Variants in NFYC observed in about 807,000 individuals in gnomAD.
The protein encoded by NFYC is CAAT box DNA-binding protein subunit C.
A neutral mutation model predicts 53.1 loss-of-function variants in NFYC; 25 were observed. The ratio of observed to expected loss-of-function variants is 0.47; its 90% CI spans 0.34 to 0.66. NFYC has a LOEUF of 0.66. NFYC is among the 30% of genes least tolerant of loss of function. The pLI, the probability that NFYC is intolerant of heterozygous loss-of-function variation, is 0.01. For missense variants in NFYC, 260 were observed against 422.7 expected (o/e 0.62, Z 3.38); for synonymous variants, 145 against 152.6 (o/e 0.95, Z 0.37).
At chr1:40,754,554 G>A (rs951828510) in intron 5 of NFYC, 19 of 398,666 alleles carry the variant, frequency 4.8e-5, no homozygotes, top group African/African-American at 3.8e-4. Context: ...GTCACAACAA[G>A]AACTCAGGCC....
chr1:40,753,075 T>C (rs1237846669), intron 4 of NFYC, 76 bp from the exon 5 acceptor site: 7 of 1,080,034 alleles, frequency 6.5e-6, no homozygotes, highest in Non-Finnish European at 9.8e-6. Flanking sequence ...TCGTCTTACC[T>C]TACTTGGAGG....
chr1:40,771,132 T>A lies in NFYC; in HGVS notation c.*304T>A. 2 of 433,440 alleles carry A rather than the reference T, an allele frequency of 4.6e-6. No individual in the cohort carries two copies. The highest frequency in any genetic ancestry group is 8.3e-6 in the Non-Finnish European group (2 of 241,860). 26.8% of individuals were successfully genotyped at this position (433,440 alleles called of 1,614,324 possible). ...ATATTTATGGCATTTTCTTGAAGAG[T>A]GTGGTTGAAGAAATATTTCTCCTTT... On this transcript the variant is annotated 3_prime_UTR_variant, in exon 10 of 10. Transcript: ENST00000447388.
rs543584879 is a variant in NFYC, at chr1:40,711,494, A to G, written c.-9+19627A>G. 1.8e-4 allele frequency among the ~76,000 whole-genome samples: 28 copies of G among 152,290 alleles called. No individual in the cohort carries two copies. The East Asian group carries it at 4.8e-3, about 26-fold the overall frequency. ...AAAAGTGAAGGTGTGGTACAGTATG[A>G]AGTAAACTATAAACTTGAGAACTTT... is the stretch of plus-strand genomic sequence containing the variant. On this transcript the variant is annotated intron_variant, in intron 1 of 9. Coordinates refer to ENST00000447388, the MANE Select transcript of NFYC (RefSeq NM_014223.5).
chr1:40,725,257 C>G (rs1438921902), intron 1 of NFYC, among the ~76,000 whole-genome samples: 2 of 152,168 alleles, frequency 1.3e-5, no homozygotes, highest in Non-Finnish European at 2.9e-5. Context: ...TGTATTCATT[C>G]ATTTATTGCA....
rs570171418 is a variant in NFYC at position 40,746,701 on chromosome 1, A to G, written c.106-833A>G. On this transcript the variant is annotated intron_variant, in intron 2 of 9. Transcript: ENST00000447388. ...AAATTGATTTTTTTCCTAGAATTGC[A>G]TCCATCATTGGGCATGTGTTTAAAT... Among the ~76,000 whole-genome samples the G allele has an allele frequency of 1.4e-3, 217 of 152,318 alleles. 1 individual carries two copies. Among genetic ancestry groups the G allele is most frequent in the African/African-American group, 5.1e-3 (213 of 41,562 alleles).
intron 1 of NFYC, among the ~76,000 whole-genome samples, chr1:40,721,084 C>G (rs1021585342): frequency 6.6e-6 from 1 of 152,010 alleles, no homozygotes; most frequent in Non-Finnish European, 1.5e-5. Context: ...ACATGTTACA[C>G]AAGTCTGAAG....
chr1:40,753,905 C>T (rs1014246487), intron 5 of NFYC, among the ~76,000 whole-genome samples: 1 of 152,198 alleles, frequency 6.6e-6, no homozygotes, highest in Non-Finnish European at 1.5e-5. Flanking sequence ...CTTCCCGTCT[C>T]TTCTGCCTGC....
chr1:40,710,743 T>C (rs1191710375), intron 1 of NFYC, among the ~76,000 whole-genome samples: 8 of 152,146 alleles, frequency 5.3e-5, no homozygotes, highest in Non-Finnish European at 2.9e-5. Context: ...GGATTTACCT[T>C]AGAGGACTGA....
Position 40,771,030 on chromosome 1 carries a change from A to AT in NFYC, c.*209dup, listed in dbSNP as rs969628908. ...AATATTTTTTGTTTCCTTTTTTTCC[A>AT]TTTTTTTCTCTAAGGAATCAATATT... On this transcript the variant is annotated 3_prime_UTR_variant, in exon 10 of 10. Transcript: ENST00000447388. 2.0e-4 allele frequency: 117 copies of AT among 595,686 alleles called. 2 individuals carry two copies. Among genetic ancestry groups the AT allele is most frequent in the Middle Eastern group, 8.8e-4 (2 of 2,264 alleles). 36.9% of individuals were successfully genotyped at this position (595,686 alleles called of 1,614,324 possible). A position where few individuals can be genotyped will look rare whatever the true frequency, so the allele number is the denominator to read the frequency against.
chr1:40,763,352 T>A (rs1247956863), intron 7 of NFYC: 3 of 457,202 alleles, frequency 6.6e-6, no homozygotes, highest in Non-Finnish European at 1.3e-5. Flanking sequence ...TAATCCTTTT[T>A]TTCTTTTTAG....
intron 6 of NFYC, chr1:40,758,524 ATGTTCTCCAGGATCC>A: frequency 2.2e-6 from 1 of 454,284 alleles, no homozygotes. Flanking sequence ...ACTAGACAGT[ATGTTCTCCAGGATCC>A]CTATTAGCTC....
chr1:40,761,850 G>A (rs186396826), intron 6 of NFYC, among the ~76,000 whole-genome samples: 54 of 152,268 alleles, frequency 3.5e-4, no homozygotes, highest in African/African-American at 1.3e-3. Context: ...AAAGTGAGGA[G>A]AGATAGTGAT....
chr1:40,742,652 T>TAA (rs1431209445), intron 2 of NFYC, among the ~76,000 whole-genome samples: 1 of 152,244 alleles, frequency 6.6e-6, no homozygotes, highest in Non-Finnish European at 1.5e-5. Context: ...ATGTCTTTTA[T>TAA]ATCAGGTGCT....
chr1:40,729,391 A>C (rs1644662463), intron 1 of NFYC, among the ~76,000 whole-genome samples: 1 of 152,190 alleles, frequency 6.6e-6, no homozygotes. Context: ...CTTAAACCTC[A>C]TGAACCAACT....
Position 40,736,628 on chromosome 1 carries a change from CTGT to C in NFYC, c.-8-2206_-8-2204del, listed in dbSNP as rs532847237. Among the ~76,000 whole-genome samples, 474 of 152,158 alleles carry C rather than the reference CTGT, an allele frequency of 3.1e-3. 3 individuals carry two copies. The highest frequency in any genetic ancestry group is 0.011 in the African/African-American group (454 of 41,508). ...TCTCCATTCTTTGTGTTTAATTAAACTGTTCTTGCATTTTAATATTTGCCAGAT... is the reference window on the plus strand; with the variant it reads ...TCTCCATTCTTTGTGTTTAATTAAACTCTTGCATTTTAATATTTGCCAGAT... On this transcript the variant is annotated intron_variant, in intron 1 of 9. Transcript: ENST00000447388.
At chr1:40,763,075 C>T in intron 7 of NFYC, 29 bp downstream of exon 7, 3 of 1,534,992 alleles carry the variant, frequency 2.0e-6, no homozygotes, top group Non-Finnish European at 1.8e-6. Flanking sequence ...TCTGTCTTTA[C>T]AACTTTATAG....
intron 5 of NFYC, chr1:40,757,193 G>A: frequency 3.7e-6 from 1 of 267,664 alleles, no homozygotes. Context: ...TCCCAGGCAG[G>A]GGCACCATGT....
At chr1:40,746,204 T>C (rs1408941839) in intron 2 of NFYC, among the ~76,000 whole-genome samples, 3 of 152,208 alleles carry the variant, frequency 2.0e-5, no homozygotes, top group Non-Finnish European at 4.4e-5. Context: ...AGAGGGTTCA[T>C]GGAAAATGTT....
intron 3 of NFYC, among the ~76,000 whole-genome samples, chr1:40,748,381 C>T (rs1324026849): frequency 6.6e-6 from 1 of 151,802 alleles, no homozygotes; most frequent in Non-Finnish European, 1.5e-5. Flanking sequence ...TCAAGCAGTC[C>T]TCCAGCCTCA....
Sources: allele counts gnomAD v4.1 joint callset (sites outside exome capture counted in the v4.1 genomes callset), GRCh38; gene constraint gnomAD v4.1.1; transcripts MANE v1.5; gene names NCBI Gene and HGNC (gene_info 2026-07-23, HGNC 2026-07-21).